Variants in ERBB4 observed in about 807,000 individuals in gnomAD.
ERBB4 encodes erb-b2 receptor tyrosine kinase 4, also known as receptor tyrosine-protein kinase erbB-4.
ERBB4 carries 42 observed loss-of-function variants against 158.0 expected under a neutral mutation model. That is an observed-to-expected ratio of 0.27 (90% CI 0.21 to 0.34). The LOEUF (loss-of-function observed/expected upper bound fraction) is 0.34. Ranked by LOEUF, ERBB4 falls within the 10% of genes least tolerant of loss-of-function variation. ERBB4 has a pLI of 1.00. For synonymous variants in ERBB4, 583 were observed against 558.7 expected (o/e 1.04, Z -0.61); for missense variants, 1,333 against 1,624.1 (o/e 0.82, Z 3.08).
intron 20 of ERBB4, among the ~76,000 whole-genome samples, chr2:211,513,517 C>G (rs16846352): frequency 2.6e-5 from 4 of 151,946 alleles, no homozygotes; most frequent in South Asian, 2.1e-4. Context: ...ATTATTTAGC[C>G]GAGGCTTGTC....
intron 4 of ERBB4, among the ~76,000 whole-genome samples, chr2:211,775,729 C>A (rs941412414): frequency 6.6e-6 from 1 of 152,154 alleles, no homozygotes; most frequent in African/African-American, 2.4e-5. Context: ...TGCTTCATGG[C>A]CTTATTCAAC....
chr2:211,687,530 TTTG>T (rs1218953404), intron 12 of ERBB4, among the ~76,000 whole-genome samples: 1 of 151,234 alleles, frequency 6.6e-6, no homozygotes, highest in Non-Finnish European at 1.5e-5. Context: ...TGTATGTTTG[TTTG>T]TTGTTTTTAG....
intron 1 of ERBB4, among the ~76,000 whole-genome samples, chr2:212,524,643 T>C (rs565263259): frequency 6.6e-6 from 1 of 152,022 alleles, no homozygotes; most frequent in African/African-American, 2.4e-5. Context: ...CTAGGCTAAT[T>C]CAATATGTGG....
chr2:212,159,843 CTT>C (rs1304637415), intron 1 of ERBB4, among the ~76,000 whole-genome samples: 1 of 151,994 alleles, frequency 6.6e-6, no homozygotes, highest in Non-Finnish European at 1.5e-5. Context: ...TAGAGCCAAA[CTT>C]ATCATTAAAA....
intron 2 of ERBB4, among the ~76,000 whole-genome samples, chr2:212,052,817 T>C (rs1373112743): frequency 2.0e-5 from 3 of 152,176 alleles, no homozygotes; most frequent in Non-Finnish European, 4.4e-5. Context: ...TGTAGTGACA[T>C]TTCTTCTCCT....
intron 25 of ERBB4, among the ~76,000 whole-genome samples, chr2:211,397,746 C>T (rs2062950775): frequency 6.6e-6 from 1 of 152,124 alleles, no homozygotes; most frequent in South Asian, 2.1e-4. Flanking sequence ...GCCCCGGCTC[C>T]GTGGAAAATA....
chr2:211,878,657 GTTTTT>G (rs56379006), intron 3 of ERBB4, among the ~76,000 whole-genome samples: 1 of 133,894 alleles, frequency 7.5e-6, no homozygotes, highest in African/African-American at 2.8e-5. Flanking sequence ...ATTAAGTTTT[GTTTTT>G]TTTTTTTTCC....
At chr2:211,879,110 C>T (rs1339909518) in intron 3 of ERBB4, among the ~76,000 whole-genome samples, 2 of 152,014 alleles carry the variant, frequency 1.3e-5, no homozygotes, top group Non-Finnish European at 2.9e-5. Context: ...GAAGATGCTG[C>T]ATTCTTATCT....
chr2:212,215,533 T>C (rs1426979427), intron 1 of ERBB4, among the ~76,000 whole-genome samples: 1 of 151,390 alleles, frequency 6.6e-6, no homozygotes, highest in Non-Finnish European at 1.5e-5. Context: ...TAGCATGAAA[T>C]AGAAATAATA....
chr2:212,141,901 T>C (rs966144628), intron 1 of ERBB4, among the ~76,000 whole-genome samples: 2 of 152,238 alleles, frequency 1.3e-5, no homozygotes, highest in Non-Finnish European at 2.9e-5. Flanking sequence ...AGATCACTAA[T>C]CTTCTTTGCT....
chr2:211,856,476 C>T (rs900066698), intron 3 of ERBB4, among the ~76,000 whole-genome samples: 7 of 151,924 alleles, frequency 4.6e-5, no homozygotes, highest in Admixed American at 4.6e-4. Context: ...AGCTCTGCCT[C>T]CCGGGTTCAC....
At chr2:212,390,013 G>T (rs1352442704) in intron 1 of ERBB4, among the ~76,000 whole-genome samples, 4 of 151,780 alleles carry the variant, frequency 2.6e-5, no homozygotes, top group Non-Finnish European at 5.9e-5. Context: ...AAAATGAATG[G>T]TTCAGAGAGA....
chr2:211,701,237 CAT>C (rs1299488652), intron 12 of ERBB4, among the ~76,000 whole-genome samples: 2 of 152,120 alleles, frequency 1.3e-5, no homozygotes, highest in Non-Finnish European at 2.9e-5. Context: ...GTAGTTTTTA[CAT>C]GTTAGAAAAA....
intron 1 of ERBB4, among the ~76,000 whole-genome samples, chr2:212,301,619 G>A (rs2086625439): frequency 6.6e-6 from 1 of 151,290 alleles, no homozygotes; most frequent in South Asian, 2.1e-4. Context: ...AGTAACTTTT[G>A]TAACAGGTCC....
chr2:212,090,426 A>T lies in ERBB4; in HGVS notation c.234+34326T>A, dbSNP rs1023191487. 5.9e-5 allele frequency among the ~76,000 whole-genome samples: 9 copies of T among 152,080 alleles called. 1 individual carries two copies. Among genetic ancestry groups the T allele is most frequent in the Admixed American group, 5.9e-4 (9 of 15,246 alleles). On this transcript the variant is annotated intron_variant, in intron 2 of 27. Coordinates refer to ENST00000342788, the MANE Select transcript of ERBB4 (RefSeq NM_005235.3). ...GGCTCTATTTCTCCTTAGAGGAAAA[A>T]CTGTTTCAGTCTTTAATATCCTCTA... is the stretch of plus-strand genomic sequence containing the variant.
intron 20 of ERBB4, among the ~76,000 whole-genome samples, chr2:211,460,424 C>T (rs1001771363): frequency 6.6e-6 from 1 of 152,140 alleles, no homozygotes; most frequent in Admixed American, 6.5e-5. Context: ...TAACCAGCCT[C>T]TGCATTACTA....
At chr2:212,482,389 CATAACTTCCACA>C (rs1689749027) in intron 1 of ERBB4, among the ~76,000 whole-genome samples, 1 of 152,108 alleles carries the variant, frequency 6.6e-6, no homozygotes, top group African/African-American at 2.4e-5. Context: ...ATCAATCAGC[CATAACTTCCACA>C]ATTTGGATAG....
chr2:212,357,325 C>CA (rs2089499845), intron 1 of ERBB4, among the ~76,000 whole-genome samples: 1 of 151,426 alleles, frequency 6.6e-6, no homozygotes, highest in African/African-American at 2.4e-5. Flanking sequence ...TAAATTAGTC[C>CA]AATTTATCAA....
intron 2 of ERBB4, among the ~76,000 whole-genome samples, chr2:212,115,181 T>G (rs2125549201): frequency 6.6e-6 from 1 of 152,202 alleles, no homozygotes; most frequent in Non-Finnish European, 1.5e-5. Flanking sequence ...AAATTAGAGA[T>G]CAGGAGAAAT....
Sources: allele counts gnomAD v4.1 joint callset (sites outside exome capture counted in the v4.1 genomes callset), GRCh38; gene constraint gnomAD v4.1.1; transcripts MANE v1.5; gene names NCBI Gene and HGNC (gene_info 2026-07-23, HGNC 2026-07-21).